The following ACOT1 variants were observed in gnomAD, a reference collection of about 807,000 sequenced individuals.
ACOT1 encodes the protein acyl-coenzyme A thioesterase 1.
ACOT1 carries 8 observed loss-of-function variants against 15.7 expected under a neutral mutation model. The ratio of observed to expected loss-of-function variants is 0.51; its 90% CI spans 0.30 to 0.92. The LOEUF (loss-of-function observed/expected upper bound fraction) is 0.92, where lower values mean the gene tolerates loss of function less well. Ranked by LOEUF, ACOT1 falls within the 40% of genes least tolerant of loss-of-function variation. The probability of loss-of-function intolerance (pLI) is 0.06; values close to 1 mark genes in which losing one functional copy is unlikely to be tolerated. For synonymous variants in ACOT1, 67 were observed against 241.2 expected (o/e 0.28, Z 6.69); for missense variants, 151 against 539.4 (o/e 0.28, Z 7.13).
chr14:73,503,126 T>G, the ACOT1 span: 25 of 832,484 alleles, frequency 3.0e-5, no homozygotes, highest in African/African-American at 3.4e-4. Context: ...ATGAGGATTG[T>G]CCTGAGTGTT....
the ACOT1 span, chr14:73,508,053 A>T: frequency 3.7e-6 from 5 of 1,345,950 alleles, no homozygotes; most frequent in Non-Finnish European, 5.3e-6. Context: ...CCCCAGCTGC[A>T]TTTCAGATTG....
At chr14:73,510,015 A>G in the ACOT1 span, among the ~76,000 whole-genome samples, 1 of 150,564 alleles carries the variant, frequency 6.6e-6, no homozygotes, top group Non-Finnish European at 1.5e-5. Context: ...CTGGGACTAC[A>G]GGCACCCAGC....
chr14:73,497,652 G>GT, the ACOT1 span, among the ~76,000 whole-genome samples: 376 of 151,628 alleles, frequency 2.5e-3, 4 homozygotes, highest in African/African-American at 8.7e-3. Context: ...TTGAGACGGA[G>GT]TTTTGCTCTT....
the ACOT1 span, chr14:73,522,231 A>T: frequency 3.8e-6 from 6 of 1,583,446 alleles, no homozygotes; most frequent in Non-Finnish European, 5.2e-6. Context: ...AAGGGGAGTC[A>T]GGGATTATCA....
chr14:73,519,219 C>T, the ACOT1 span: 3 of 1,541,542 alleles, frequency 1.9e-6, no homozygotes, highest in Non-Finnish European at 1.8e-6. Context: ...TTCCTTTCTC[C>T]CTGGGTTCCT....
At chr14:73,508,414 C>G in the ACOT1 span, 3 of 792,722 alleles carry the variant, frequency 3.8e-6, no homozygotes, top group Non-Finnish European at 6.2e-6. Flanking sequence ...TTGTGCCCCA[C>G]TCAGTCTAGA....
At chr14:73,522,215 T>G in the ACOT1 span, 2 of 1,538,144 alleles carry the variant, frequency 1.3e-6, no homozygotes, top group Non-Finnish European at 1.8e-6. Flanking sequence ...CACCTGGGAG[T>G]CCCTAAAGGG....
chr14:73,507,612 T>C, the ACOT1 span, among the ~76,000 whole-genome samples: 26 of 152,022 alleles, frequency 1.7e-4, no homozygotes, highest in African/African-American at 5.1e-4. Flanking sequence ...TTTATTTCTT[T>C]TTTTGTAGAG....
chr14:73,537,634 C>G lies in ACOT1; in HGVS notation c.213C>G (p.Ser71Arg), dbSNP rs1413586326. ...DLERAPALGG[S>R]FAGLEPMGLL... The stretch of plus-strand genomic sequence containing the variant: ...AGCGCGCGCCCGCGCTGGGCGGCAG[C>G]TTCGCGGGGCTTGAGCCCATGGGGC... Residue 71 changes from serine to arginine, a missense_variant, in exon 1 of 3, where the codon AGC (serine) becomes AGG (arginine). Coordinates refer to ENST00000311148, the MANE Select transcript of ACOT1 (RefSeq NM_001037161.2). 2.1e-5 allele frequency: 26 copies of G among 1,224,708 alleles called. 7 individuals are homozygous for G. Among genetic ancestry groups the G allele is most frequent in the Non-Finnish European group, 2.6e-5 (24 of 930,976 alleles). 75.9% of individuals were successfully genotyped at this position (1,224,708 alleles called of 1,614,324 possible). A position where few individuals can be genotyped will look rare whatever the true frequency, so the allele number is the denominator to read the frequency against.
intron 2 of ACOT1, among the ~76,000 whole-genome samples, chr14:73,542,801 T>C (rs1275326538): frequency 3.6e-5 from 4 of 110,898 alleles, no homozygotes; most frequent in African/African-American, 9.2e-5. Flanking sequence ...TGGGAGATAA[T>C]GAGATTAAGG....
At chr14:73,507,392 A>T in the ACOT1 span, among the ~76,000 whole-genome samples, 1 of 152,266 alleles carries the variant, frequency 6.6e-6, no homozygotes, top group Admixed American at 6.5e-5. Flanking sequence ...CTTATGCTTG[A>T]GATTGTCAAC....
chr14:73,511,826 A>G, the ACOT1 span, among the ~76,000 whole-genome samples: 1 of 152,222 alleles, frequency 6.6e-6, no homozygotes, highest in African/African-American at 2.4e-5. Context: ...CTGGACTAGA[A>G]GTCTGGAATT....
chr14:73,492,253 A>G, the ACOT1 span: 19 of 1,613,990 alleles, frequency 1.2e-5, no homozygotes, highest in East Asian at 4.2e-4. The surrounding 1 kb of genome is among the most constrained non-coding windows in gnomAD (Gnocchi z 4.9). Context: ...GCCAGGATGG[A>G]GTCCACTCTC....
At chr14:73,493,193 C>A in the ACOT1 span, 1 of 1,265,694 alleles carries the variant, frequency 7.9e-7, no homozygotes, top group Non-Finnish European at 1.2e-6. Flanking sequence ...CATTTCAGAG[C>A]ACCAACTTCA....
chr14:73,536,587 G>C (rs1460584022), upstream of ACOT1, among the ~76,000 whole-genome samples: 2 of 109,960 alleles, frequency 1.8e-5, 1 homozygote, highest in Non-Finnish European at 3.9e-5. Flanking sequence ...TGAGAAACCA[G>C]TATAAGAAAA....
rs567368221 is a variant in ACOT1 at position 73,537,676 on chromosome 14, G to A, written c.255G>A (p.Glu85=). 229 of 1,245,486 alleles carry A rather than the reference G, an allele frequency of 1.8e-4. 51 individuals carry two copies. In the African/African-American group the frequency reaches 3.2e-3, roughly 17 times the overall value. The allele number at this position is 1,245,486 out of a possible 1,614,324, so 77.2% of individuals were successfully genotyped here. The change falls in exon 1 of 3, where the codon GAG becomes GAA. Residue 85 remains glutamate (E), a synonymous_variant. Transcript: ENST00000311148. ...CCATGGGGCTGCTCTGGGCCTTGGA[G>A]CCCGAGAAACCCTTGGTGCGGCTGG... ...LEPMGLLWAL[E]PEKPLVRLVK...
At chr14:73,518,229 C>A in the ACOT1 span, among the ~76,000 whole-genome samples, 1 of 152,114 alleles carries the variant, frequency 6.6e-6, no homozygotes, top group East Asian at 1.9e-4. Context: ...GATGCAAAGG[C>A]ACAACTAGCA....
chr14:73,527,242 G>C, the ACOT1 span: 1 of 152,024 alleles, frequency 6.6e-6, no homozygotes, highest in South Asian at 2.1e-4. Context: ...TCAATGTCCA[G>C]ACATTGATGA....
chr14:73,495,214 C>T, the ACOT1 span: 2 of 1,610,660 alleles, frequency 1.2e-6, no homozygotes, highest in Non-Finnish European at 1.7e-6. Flanking sequence ...GGAACTCACC[C>T]CTAGGAAACC....
Sources: allele counts gnomAD v4.1 joint callset (sites outside exome capture counted in the v4.1 genomes callset), GRCh38; gene constraint gnomAD v4.1.1; non-coding constraint Gnocchi (gnomAD v3.1); transcripts MANE v1.5; gene names NCBI Gene and HGNC (gene_info 2026-07-23, HGNC 2026-07-21).